Variants in FBXL7 observed in about 807,000 individuals in gnomAD.
FBXL7 encodes the protein F-box and leucine rich repeat protein 7, also known as F-box/LRR-repeat protein 7.
Under a neutral mutation model 38.3 loss-of-function variants are expected in FBXL7, and 12 were observed. That is an observed-to-expected ratio of 0.31 (90% CI 0.20 to 0.51). The LOEUF is 0.51. Ranked by LOEUF, FBXL7 falls within the 20% of genes least tolerant of loss-of-function variation. FBXL7 has a pLI of 0.98. For synonymous variants in FBXL7, 297 were observed against 300.9 expected, an observed-to-expected ratio of 0.99 and a Z score of 0.13; for missense variants, 567 against 676.4, an observed-to-expected ratio of 0.84 and a Z score of 1.79.
intron 2 of FBXL7, among the ~76,000 whole-genome samples, chr5:15,879,110 G>A (rs953200470): frequency 6.6e-6 from 1 of 152,174 alleles, no homozygotes; most frequent in African/African-American, 2.4e-5. Context: ...ATGAAAGCTA[G>A]TGCATTAATT....
chr5:15,738,646 G>A (rs1258264204), intron 2 of FBXL7, among the ~76,000 whole-genome samples: 4 of 152,158 alleles, frequency 2.6e-5, no homozygotes, highest in South Asian at 2.1e-4. Context: ...AGAGCAAAGC[G>A]AACACCCATG....
chr5:15,652,335 C>G (rs1036747172), intron 2 of FBXL7, among the ~76,000 whole-genome samples: 2 of 152,070 alleles, frequency 1.3e-5, no homozygotes, highest in African/African-American at 4.8e-5. Context: ...GGCGTGATCT[C>G]GGCTCACTGC....
At chr5:15,715,594 T>C (rs1744022189) in intron 2 of FBXL7, among the ~76,000 whole-genome samples, 1 of 152,098 alleles carries the variant, frequency 6.6e-6, no homozygotes. Flanking sequence ...GTGGTCTCTG[T>C]CACCATTACT....
intron 1 of FBXL7, among the ~76,000 whole-genome samples, chr5:15,517,741 C>T (rs186029467): frequency 4.4e-4 from 67 of 152,254 alleles, no homozygotes; most frequent in Non-Finnish European, 7.6e-4. Context: ...GACCCTTCTC[C>T]ACTCCTTATG....
chr5:15,822,619 G>C (rs940663088), intron 2 of FBXL7, among the ~76,000 whole-genome samples: 4 of 133,710 alleles, frequency 3.0e-5, no homozygotes, highest in Non-Finnish European at 6.3e-5. Flanking sequence ...TGAGCTGGTT[G>C]CTCTTTTTTT....
intron 1 of FBXL7, among the ~76,000 whole-genome samples, chr5:15,561,690 G>C (rs946886347): frequency 2.0e-5 from 3 of 151,880 alleles, no homozygotes; most frequent in Non-Finnish European, 4.4e-5. Context: ...AGACTGTACA[G>C]AGGTTCCTTT....
At chr5:15,685,042 C>G (rs1306799132) in intron 2 of FBXL7, among the ~76,000 whole-genome samples, 1 of 151,346 alleles carries the variant, frequency 6.6e-6, no homozygotes, top group African/African-American at 2.4e-5. Context: ...TTTTTTTCTG[C>G]TTGTGACATT....
chr5:15,561,721 A>C (rs1175424586), intron 1 of FBXL7, among the ~76,000 whole-genome samples: 1 of 151,922 alleles, frequency 6.6e-6, no homozygotes, highest in African/African-American at 2.4e-5. Flanking sequence ...CCTCACCAAC[A>C]CTTATACCTT....
At chr5:15,706,980 T>C (rs1228255403) in intron 2 of FBXL7, among the ~76,000 whole-genome samples, 2 of 152,042 alleles carry the variant, frequency 1.3e-5, no homozygotes, top group Non-Finnish European at 2.9e-5. Context: ...GTCTCCAGTA[T>C]GTTGATGGAC....
intron 1 of FBXL7, among the ~76,000 whole-genome samples, chr5:15,509,265 CTTCT>C (rs1409989946): frequency 1.3e-5 from 2 of 152,220 alleles, no homozygotes; most frequent in South Asian, 2.1e-4. Context: ...CAGAATGTAG[CTTCT>C]TTCTTTTTTT....
At chr5:15,924,085 G>A (rs796571451) in intron 2 of FBXL7, among the ~76,000 whole-genome samples, 34 of 152,196 alleles carry the variant, frequency 2.2e-4, no homozygotes, top group East Asian at 5.8e-4. Context: ...AAATCTCTGC[G>A]TACTCATAAT....
chr5:15,703,183 T>A (rs1363905711), intron 2 of FBXL7, among the ~76,000 whole-genome samples: 2 of 152,190 alleles, frequency 1.3e-5, no homozygotes, highest in African/African-American at 4.8e-5. Flanking sequence ...AATGCTAAAT[T>A]TGGAGTAAAT....
intron 1 of FBXL7, among the ~76,000 whole-genome samples, chr5:15,532,704 C>T (rs1737464912): frequency 6.6e-6 from 1 of 152,220 alleles, no homozygotes; most frequent in Non-Finnish European, 1.5e-5. Context: ...GCTGTACCTT[C>T]TAGATCCCTA....
chr5:15,589,256 C>A (rs1043335720), intron 1 of FBXL7, among the ~76,000 whole-genome samples: 4 of 151,886 alleles, frequency 2.6e-5, no homozygotes, highest in Admixed American at 6.6e-5. Context: ...TGTCCCCGCC[C>A]AAATCTCATG....
intron 2 of FBXL7, among the ~76,000 whole-genome samples, chr5:15,675,825 G>A (rs1049819177): frequency 2.0e-5 from 3 of 152,168 alleles, no homozygotes; most frequent in Admixed American, 6.5e-5. Flanking sequence ...TTTCGACACC[G>A]AAGAGAAGGA....
At chr5:15,837,137 A>G (rs981032617) in intron 2 of FBXL7, among the ~76,000 whole-genome samples, 6 of 152,228 alleles carry the variant, frequency 3.9e-5, no homozygotes, top group Non-Finnish European at 8.8e-5. Flanking sequence ...CACTTGCCCA[A>G]TTCAGACTAA....
intron 2 of FBXL7, among the ~76,000 whole-genome samples, chr5:15,857,557 A>G (rs1385467235): frequency 2.0e-5 from 3 of 152,196 alleles, no homozygotes; most frequent in African/African-American, 4.8e-5. Context: ...TGTTTCCAAG[A>G]GGTATTCCAA....
intron 2 of FBXL7, among the ~76,000 whole-genome samples, chr5:15,897,115 G>A (rs1310376824): frequency 3.3e-5 from 5 of 152,074 alleles, no homozygotes; most frequent in Non-Finnish European, 5.9e-5. Context: ...CCTGGGTGAT[G>A]GAGTGAGACT....
chr5:15,524,980 G>A (rs1737207949), intron 1 of FBXL7, among the ~76,000 whole-genome samples: 1 of 152,192 alleles, frequency 6.6e-6, no homozygotes, highest in Admixed American at 6.5e-5. Context: ...AGTTCCCAGG[G>A]TGTCCACAGA....
Sources: allele counts gnomAD v4.1 joint callset (sites outside exome capture counted in the v4.1 genomes callset), GRCh38; gene constraint gnomAD v4.1.1; transcripts MANE v1.5; gene names NCBI Gene and HGNC (gene_info 2026-07-23, HGNC 2026-07-21).